The following ABTB3 variants were observed in gnomAD, a reference collection of about 807,000 sequenced individuals.
The protein encoded by ABTB3 is ankyrin repeat and BTB domain containing 3.
At chr12:107,319,954 T>G in the ABTB3 span, 1 of 1,575,792 alleles carries the variant, frequency 6.3e-7, no homozygotes, top group Admixed American at 1.7e-5. Flanking sequence ...ACCACCACCA[T>G]GCGCTCCACG....
At chr12:107,635,903 C>T in the ABTB3 span, among the ~76,000 whole-genome samples, 3 of 142,348 alleles carry the variant, frequency 2.1e-5, no homozygotes, top group African/African-American at 5.5e-5. Flanking sequence ...CACACACTCC[C>T]ATAAAAACAT....
the ABTB3 span, among the ~76,000 whole-genome samples, chr12:107,396,758 T>C: frequency 6.6e-6 from 1 of 152,190 alleles, no homozygotes; most frequent in Admixed American, 6.5e-5. Context: ...ACATTTTAGC[T>C]GCAGCCAAAA....
At chr12:107,657,614 A>C in the ABTB3 span, 22 of 1,614,096 alleles carry the variant, frequency 1.4e-5, no homozygotes, top group Non-Finnish European at 1.8e-5. Context: ...GTATGACAAA[A>C]ATGGTGAAGG....
chr12:107,580,833 A>G, the ABTB3 span: 1 of 1,535,832 alleles, frequency 6.5e-7, no homozygotes, highest in African/African-American at 1.4e-5. Context: ...TGTTCACATG[A>G]TCGCCGAGAG....
At chr12:107,655,399 T>C in the ABTB3 span, among the ~76,000 whole-genome samples, 1 of 152,152 alleles carries the variant, frequency 6.6e-6, no homozygotes, top group Non-Finnish European at 1.5e-5. Context: ...GATAGTCACT[T>C]GGAGGGCAGG....
chr12:107,560,396 G>T, the ABTB3 span, among the ~76,000 whole-genome samples: 1 of 152,198 alleles, frequency 6.6e-6, no homozygotes, highest in Non-Finnish European at 1.5e-5. Flanking sequence ...CTGGGAGGGA[G>T]CCTCACCCAC....
chr12:107,484,827 T>C, the ABTB3 span, among the ~76,000 whole-genome samples: 1 of 152,118 alleles, frequency 6.6e-6, no homozygotes, highest in African/African-American at 2.4e-5. Flanking sequence ...GATTTGCTGA[T>C]GGATTAGATG....
the ABTB3 span, among the ~76,000 whole-genome samples, chr12:107,338,996 G>A: frequency 6.6e-6 from 1 of 152,146 alleles, no homozygotes; most frequent in Non-Finnish European, 1.5e-5. Context: ...CAGCTTATCA[G>A]AGCATTTTGA....
chr12:107,637,581 T>A, the ABTB3 span, among the ~76,000 whole-genome samples: 1 of 152,164 alleles, frequency 6.6e-6, no homozygotes, highest in Non-Finnish European at 1.5e-5. Flanking sequence ...GTCTTCAGTC[T>A]AGCAGCTCAA....
At chr12:107,617,013 A>G in the ABTB3 span, 2 of 1,467,518 alleles carry the variant, frequency 1.4e-6, no homozygotes, top group Non-Finnish European at 1.9e-6. Context: ...CATCTCACCC[A>G]TCCCAGCAGT....
At chr12:107,354,093 C>T in the ABTB3 span, among the ~76,000 whole-genome samples, 14 of 152,216 alleles carry the variant, frequency 9.2e-5, no homozygotes, top group East Asian at 5.8e-4. Context: ...GAACCAACAC[C>T]GCAAATACGA....
At chr12:107,452,547 G>C in the ABTB3 span, among the ~76,000 whole-genome samples, 1 of 151,624 alleles carries the variant, frequency 6.6e-6, no homozygotes, top group South Asian at 2.1e-4. Flanking sequence ...GGAGGGGAGA[G>C]TCTTAAAAAT....
the ABTB3 span, chr12:107,618,472 T>A: frequency 5.1e-5 from 55 of 1,069,026 alleles, no homozygotes; most frequent in Non-Finnish European, 6.7e-5. Context: ...CACATACACA[T>A]GCAAAACACG....
At chr12:107,453,947 G>T in the ABTB3 span, among the ~76,000 whole-genome samples, 1 of 152,238 alleles carries the variant, frequency 6.6e-6, no homozygotes, top group Admixed American at 6.5e-5. Flanking sequence ...AGATTGGGAG[G>T]ATGGGGGCAC....
the ABTB3 span, among the ~76,000 whole-genome samples, chr12:107,502,341 A>T: frequency 1.3e-5 from 2 of 151,936 alleles, no homozygotes; most frequent in African/African-American, 2.4e-5. Context: ...ACATGCTAAG[A>T]TTAAAGGTGT....
At chr12:107,648,483 A>G in the ABTB3 span, among the ~76,000 whole-genome samples, 1 of 152,042 alleles carries the variant, frequency 6.6e-6, no homozygotes, top group African/African-American at 2.4e-5. Context: ...GTCCTAGGAG[A>G]TAAGATAGCA....
the ABTB3 span, among the ~76,000 whole-genome samples, chr12:107,349,443 G>A: frequency 1.3e-5 from 2 of 152,154 alleles, no homozygotes; most frequent in East Asian, 1.9e-4. Flanking sequence ...TTCTGAATTC[G>A]TTCATTCATT....
the ABTB3 span, among the ~76,000 whole-genome samples, chr12:107,608,872 A>G: frequency 8.4e-6 from 1 of 119,336 alleles, no homozygotes; most frequent in Non-Finnish European, 1.6e-5. Context: ...CCCTGCCTCA[A>G]AAATTTAAAA....
chr12:107,324,817 G>C, the ABTB3 span, among the ~76,000 whole-genome samples: 1 of 152,182 alleles, frequency 6.6e-6, no homozygotes, highest in African/African-American at 2.4e-5. Context: ...AGAAGAGGCA[G>C]TATGGAATGA....
Sources: allele counts gnomAD v4.1 joint callset (sites outside exome capture counted in the v4.1 genomes callset), GRCh38; gene constraint gnomAD v4.1.1; transcripts MANE v1.5; gene names NCBI Gene and HGNC (gene_info 2026-07-23, HGNC 2026-07-21).